PLA2G4A: variants seen among roughly 807,000 people sequenced by gnomAD.
PLA2G4A encodes cytosolic phospholipase A2.
PLA2G4A carries 40 observed loss-of-function variants against 81.9 expected under a neutral mutation model. The ratio of observed to expected loss-of-function variants is 0.49; its 90% CI spans 0.38 to 0.64. The LOEUF is 0.64. Ranked by LOEUF, PLA2G4A falls within the 30% of genes least tolerant of loss-of-function variation. The pLI, the probability that PLA2G4A is intolerant of heterozygous loss-of-function variation, is 0.00. For missense variants in PLA2G4A, 715 were observed against 905.1 expected (o/e 0.79, Z 2.69); for synonymous variants, 302 against 296.9 (o/e 1.02, Z -0.18).
At chr1:186,879,939 A>T (rs943898540) in intron 3 of PLA2G4A, among the ~76,000 whole-genome samples, 1 of 151,782 alleles carries the variant, frequency 6.6e-6, no homozygotes, top group Non-Finnish European at 1.5e-5. Flanking sequence ...TGCTGCACCC[A>T]TTAACTCGTC....
At chr1:186,958,210 T>C (rs1370512698) in intron 14 of PLA2G4A, among the ~76,000 whole-genome samples, 1 of 152,184 alleles carries the variant, frequency 6.6e-6, no homozygotes, top group East Asian at 1.9e-4. Context: ...TCTGATTATA[T>C]ACCGGTAATC....
chr1:186,940,141 C>T (rs749068782), intron 10 of PLA2G4A, 47 bp downstream of exon 10: 1 of 1,018,146 alleles, frequency 9.8e-7, no homozygotes, highest in Admixed American at 1.7e-5. Flanking sequence ...CTCTGAATTG[C>T]AGTTTCCCAT....
chr1:186,912,248 A>T (rs1240012394), intron 7 of PLA2G4A, among the ~76,000 whole-genome samples: 8 of 152,152 alleles, frequency 5.3e-5, no homozygotes, highest in Non-Finnish European at 7.3e-5. Flanking sequence ...ATACTCCCTA[A>T]CTATCAACAT....
intron 8 of PLA2G4A, among the ~76,000 whole-genome samples, chr1:186,934,433 TA>T (rs1655857677): frequency 1.3e-5 from 1 of 79,002 alleles, no homozygotes; most frequent in Admixed American, 1.2e-4. Context: ...AAAAGGATTT[TA>T]AATGTGCACA....
intron 3 of PLA2G4A, among the ~76,000 whole-genome samples, chr1:186,890,140 G>A (rs1654083740): frequency 6.6e-6 from 1 of 152,140 alleles, no homozygotes; most frequent in African/African-American, 2.4e-5. Context: ...TGTTGTTTTT[G>A]TTATTAATTA....
intron 2 of PLA2G4A, among the ~76,000 whole-genome samples, chr1:186,863,982 G>A (rs1652919093): frequency 6.6e-6 from 1 of 151,672 alleles, no homozygotes; most frequent in African/African-American, 2.4e-5. Flanking sequence ...GGCTGGTCTT[G>A]AACTCCTGAC....
intron 3 of PLA2G4A, among the ~76,000 whole-genome samples, chr1:186,876,191 G>T (rs144363652): frequency 7.2e-4 from 109 of 152,222 alleles, no homozygotes; most frequent in East Asian, 7.2e-3. Context: ...TAAGATTCGC[G>T]AAATAACTAT....
intron 15 of PLA2G4A, among the ~76,000 whole-genome samples, chr1:186,974,426 C>T (rs1407176643): frequency 2.0e-5 from 3 of 151,990 alleles, no homozygotes; most frequent in Admixed American, 6.6e-5. Flanking sequence ...ACCTGGGAGG[C>T]AGAGGTTGCA....
In PLA2G4A at chr1:186,956,128, G is replaced by T; in HGVS notation, c.1363G>T (p.Asp455Tyr). ...CACTGAAAATGAAGATGCTGGAAGTGACTATCAAAGTGATAATCAAGCAAG... is the reference window on the plus strand; with the variant it reads ...CACTGAAAATGAAGATGCTGGAAGTTACTATCAAAGTGATAATCAAGCAAG... Reference protein sequence around the residue: ...KGTENEDAGSDYQSDNQASWI... With the variant: ...KGTENEDAGSYYQSDNQASWI... Residue 455 changes from aspartate (D) to tyrosine (Y), a missense_variant, in exon 14 of 18, where the codon GAC (aspartate) becomes TAC (tyrosine). Asp to Tyr is a radical substitution (Grantham distance 160). Transcript: ENST00000367466. 6.2e-7 allele frequency: 1 copy of T among 1,613,094 alleles called. No individual in the cohort carries two copies. The highest frequency in any genetic ancestry group is 8.5e-7 in the Non-Finnish European group (1 of 1,179,084).
intron 1 of PLA2G4A, among the ~76,000 whole-genome samples, chr1:186,842,734 C>CAGGAGAAACCA (rs752855816): frequency 1.4e-3 from 206 of 152,292 alleles, no homozygotes; most frequent in Non-Finnish European, 2.5e-3. Flanking sequence ...AGAGAGGTCT[C>CAGGAGAAACCA]AGGAGAAACC....
At chr1:186,868,553 C>T (rs78762345) in intron 2 of PLA2G4A, among the ~76,000 whole-genome samples, 2,073 of 152,138 alleles carry the variant, frequency 0.014, 59 homozygotes, top group African/African-American at 0.046. Context: ...AGAAGCATTC[C>T]CTCTGCTTTT....
intron 15 of PLA2G4A, among the ~76,000 whole-genome samples, chr1:186,967,590 A>G (rs941054311): frequency 2.0e-5 from 3 of 152,150 alleles, no homozygotes; most frequent in African/African-American, 7.2e-5. Context: ...GGAATTGAGA[A>G]ACTTACTATT....
intron 6 of PLA2G4A, 133 bp from the exon 7 acceptor site, chr1:186,911,115 T>A: frequency 1.3e-6 from 1 of 774,762 alleles, no homozygotes; most frequent in Admixed American, 1.8e-5. Context: ...TTTAGGTCCC[T>A]TCTTAGGAAA....
At chr1:186,988,139 C>G (rs962248729) in intron 17 of PLA2G4A, among the ~76,000 whole-genome samples, 3 of 152,166 alleles carry the variant, frequency 2.0e-5, no homozygotes, top group Non-Finnish European at 4.4e-5. Flanking sequence ...AAATCTAGAA[C>G]ATTTCCAGAA....
At chr1:186,939,725 C>T (rs1005772378) in intron 9 of PLA2G4A, among the ~76,000 whole-genome samples, 2 of 152,124 alleles carry the variant, frequency 1.3e-5, no homozygotes, top group South Asian at 2.1e-4. Context: ...TTCCAGGCTC[C>T]ACAGTTGCTA....
At chr1:186,887,465 A>G (rs892636074) in intron 3 of PLA2G4A, among the ~76,000 whole-genome samples, 1 of 152,166 alleles carries the variant, frequency 6.6e-6, no homozygotes, top group African/African-American at 2.4e-5. Flanking sequence ...TTTCTGGTGC[A>G]TGTAGTTTCA....
At chr1:186,898,868 G>A (rs566182374) in intron 5 of PLA2G4A, among the ~76,000 whole-genome samples, 109 of 152,156 alleles carry the variant, frequency 7.2e-4, no homozygotes, top group African/African-American at 2.5e-3. Context: ...GACAGTGCAG[G>A]CAATGTGTGC....
At chr1:186,935,631 C>G (rs1655919183) in intron 8 of PLA2G4A, among the ~76,000 whole-genome samples, 1 of 151,816 alleles carries the variant, frequency 6.6e-6, no homozygotes, top group South Asian at 2.1e-4. Flanking sequence ...AGAGATGCTC[C>G]CTTACCAGAA....
intron 7 of PLA2G4A, among the ~76,000 whole-genome samples, chr1:186,915,601 A>C (rs1354042986): frequency 6.6e-6 from 1 of 152,134 alleles, no homozygotes; most frequent in East Asian, 1.9e-4. Flanking sequence ...ATGGTTTAAT[A>C]GTTTCAATAA....
Sources: gnomAD v4.1 joint callset for allele counts (sites outside exome capture counted in the v4.1 genomes callset) on GRCh38, gnomAD v4.1.1 for gene constraint, MANE v1.5 for transcripts, NCBI Gene and HGNC (gene_info 2026-07-23, HGNC 2026-07-21) for gene names.